CAST: variants seen among roughly 807,000 people sequenced by gnomAD.
CAST encodes calpastatin.
CAST carries 76 observed loss-of-function variants against 119.6 expected under a neutral mutation model. The observed-to-expected ratio is 0.64, with a 90% confidence interval of 0.53 to 0.77. The LOEUF (loss-of-function observed/expected upper bound fraction) is 0.77. Ranked by LOEUF, CAST falls within the 30% of genes least tolerant of loss-of-function variation. The pLI is 0.00. For synonymous variants in CAST, 319 were observed against 331.6 expected, an observed-to-expected ratio of 0.96 and a Z score of 0.41; for missense variants, 953 against 946.5, an observed-to-expected ratio of 1.01 and a Z score of -0.09.
the CAST span, among the ~76,000 whole-genome samples, chr5:96,294,629 A>G: frequency 1.3e-5 from 2 of 152,228 alleles, no homozygotes; most frequent in Admixed American, 1.3e-4. Context: ...GAAATATTTG[A>G]TCTTTCAATA....
At chr5:96,581,689 G>A (rs904808168) in intron 1 of CAST, among the ~76,000 whole-genome samples, 1 of 152,122 alleles carries the variant, frequency 6.6e-6, no homozygotes, top group Non-Finnish European at 1.5e-5. Flanking sequence ...AGGAGATCGA[G>A]ACCATCCTGG....
the CAST span, among the ~76,000 whole-genome samples, chr5:96,225,299 T>C: frequency 6.6e-6 from 1 of 151,984 alleles, no homozygotes; most frequent in Non-Finnish European, 1.5e-5. Context: ...TTTCTCTCTC[T>C]ACCTTGTTTG....
chr5:96,145,967 G>A, the CAST span, among the ~76,000 whole-genome samples: 1 of 152,152 alleles, frequency 6.6e-6, no homozygotes, highest in Non-Finnish European at 1.5e-5. Context: ...TTCTCCTTGA[G>A]GCTGCTTTTG....
chr5:96,700,989 T>C lies in CAST; in HGVS notation c.210+5082T>C, dbSNP rs182390597. Among the ~76,000 whole-genome samples the C allele has an allele frequency of 7.7e-3, 1,169 of 152,122 alleles. 36 individuals are homozygous for C. Among genetic ancestry groups the C allele is most frequent in the Admixed American group, 0.056 (849 of 15,292 alleles). ...TTGCCCAGGCAGGAGTGCAGTGGTG[T>C]GATCTCAGCTCACTGCAACCTCCAC... On this transcript the variant is annotated intron_variant, in intron 3 of 31. Transcript: ENST00000675179.
the CAST span, among the ~76,000 whole-genome samples, chr5:96,262,270 T>C: frequency 6.6e-6 from 1 of 151,660 alleles, no homozygotes; most frequent in Non-Finnish European, 1.5e-5. Context: ...CAGATGGGAG[T>C]GTGGTGCTGA....
chr5:96,156,315 G>C, the CAST span, among the ~76,000 whole-genome samples: 2 of 152,142 alleles, frequency 1.3e-5, no homozygotes, highest in African/African-American at 4.8e-5. Context: ...TGAGCCCTGG[G>C]CAGCACATTA....
chr5:96,431,351 T>C, the CAST span, among the ~76,000 whole-genome samples: 1 of 152,160 alleles, frequency 6.6e-6, no homozygotes, highest in Admixed American at 6.5e-5. Context: ...GGAGCAAATG[T>C]TTTCTCCTTT....
At chr5:95,996,176 T>C in the CAST span, among the ~76,000 whole-genome samples, 5 of 152,086 alleles carry the variant, frequency 3.3e-5, no homozygotes, top group African/African-American at 4.8e-5. Flanking sequence ...AAGTGAGATA[T>C]AGGAAGATCA....
the CAST span, among the ~76,000 whole-genome samples, chr5:96,222,264 C>A: frequency 6.6e-6 from 1 of 151,962 alleles, no homozygotes; most frequent in African/African-American, 2.4e-5. Flanking sequence ...ACACATGGGA[C>A]TATATTAAAC....
At chr5:96,705,147 C>T (rs1754678991) in intron 3 of CAST, among the ~76,000 whole-genome samples, 1 of 152,162 alleles carries the variant, frequency 6.6e-6, no homozygotes, top group Admixed American at 6.5e-5. Context: ...TAGCAAGACC[C>T]TGTCTCTACA....
chr5:96,449,646 T>C, the CAST span, among the ~76,000 whole-genome samples: 393 of 152,334 alleles, frequency 2.6e-3, 3 homozygotes, highest in Non-Finnish European at 5.7e-4. Flanking sequence ...TGCTTAGTTT[T>C]CTATGTATTT....
intron 1 of CAST, among the ~76,000 whole-genome samples, chr5:96,585,718 C>T (rs1383042885): frequency 6.6e-6 from 1 of 152,162 alleles, no homozygotes; most frequent in African/African-American, 2.4e-5. Flanking sequence ...TCATAAAAAT[C>T]TGCCAAGGAC....
chr5:96,553,162 A>G (rs1318763226), intron 1 of CAST, among the ~76,000 whole-genome samples: 1 of 152,250 alleles, frequency 6.6e-6, no homozygotes. Flanking sequence ...AAAATCCTCA[A>G]TAAAATACTG....
At chr5:96,031,378 A>T in the CAST span, among the ~76,000 whole-genome samples, 95,960 of 151,944 alleles carry the variant, frequency 0.63, 30,364 homozygotes, top group Middle Eastern at 0.69. Flanking sequence ...AGCAAACATG[A>T]GCTTTATCTC....
chr5:95,976,912 A>C, the CAST span, among the ~76,000 whole-genome samples: 1 of 152,016 alleles, frequency 6.6e-6, no homozygotes, highest in African/African-American at 2.4e-5. Context: ...TATTTCCTCA[A>C]TTCTGACCCC....
At chr5:96,518,895 G>A in the CAST span, among the ~76,000 whole-genome samples, 3 of 152,118 alleles carry the variant, frequency 2.0e-5, no homozygotes, top group African/African-American at 7.2e-5. Context: ...GTGGGTGCCT[G>A]TAATCCCAGC....
At chr5:96,459,209 T>C in the CAST span, among the ~76,000 whole-genome samples, 1 of 152,132 alleles carries the variant, frequency 6.6e-6, no homozygotes, top group African/African-American at 2.4e-5. Flanking sequence ...TTAACAGAAA[T>C]AAATGTCTGC....
chr5:96,189,680 T>C, the CAST span, among the ~76,000 whole-genome samples: 1 of 152,222 alleles, frequency 6.6e-6, no homozygotes, highest in Admixed American at 6.5e-5. Flanking sequence ...CTGTTTCATC[T>C]TTTTGTGTTT....
the CAST span, among the ~76,000 whole-genome samples, chr5:96,253,962 TA>T: frequency 6.7e-5 from 7 of 103,766 alleles, no homozygotes; most frequent in African/African-American, 1.1e-4. Flanking sequence ...GCCCAGTGGT[TA>T]AAAAAAAAGA....
Sources: gnomAD v4.1 joint callset for allele counts (sites outside exome capture counted in the v4.1 genomes callset) on GRCh38, gnomAD v4.1.1 for gene constraint, MANE v1.5 for transcripts, NCBI Gene and HGNC (gene_info 2026-07-23, HGNC 2026-07-21) for gene names.